Variants in BICC1 observed in about 807,000 individuals in gnomAD.
BICC1 encodes the protein protein bicaudal C homolog 1.
BICC1 carries 43 observed loss-of-function variants against 111.0 expected under a neutral mutation model. The observed-to-expected ratio is 0.39, with a 90% CI of 0.30 to 0.50. The LOEUF is 0.50. Among genes scored for constraint, BICC1 ranks in the 20% least tolerant of loss-of-function variants. The pLI is 0.88. For synonymous variants in BICC1, 467 were observed against 434.4 expected (o/e 1.07, Z -0.93); for missense variants, 1,091 against 1,203.2 (o/e 0.91, Z 1.38).
At chr10:58,719,664 T>C (rs1254338552) in intron 3 of BICC1, among the ~76,000 whole-genome samples, 1 of 152,212 alleles carries the variant, frequency 6.6e-6, no homozygotes, top group Non-Finnish European at 1.5e-5. Flanking sequence ...GACTTTGAGC[T>C]CATGGACCTA....
At chr10:58,678,062 A>G (rs1438434076) in intron 2 of BICC1, among the ~76,000 whole-genome samples, 1 of 152,218 alleles carries the variant, frequency 6.6e-6, no homozygotes, top group African/African-American at 2.4e-5. Flanking sequence ...TGGAAAGGAA[A>G]AAACGGGACC....
At chr10:58,552,357 A>G (rs1427411611) in intron 1 of BICC1, among the ~76,000 whole-genome samples, 1 of 151,864 alleles carries the variant, frequency 6.6e-6, no homozygotes, top group African/African-American at 2.4e-5. Context: ...TATTTTTGAG[A>G]TGGAGTCTTG....
At chr10:58,806,930 G>T in intron 16 of BICC1, 74 bp from the exon 17 acceptor site, 1 of 1,343,746 alleles carries the variant, frequency 7.4e-7, no homozygotes, top group South Asian at 1.5e-5. Context: ...TCAAAGAAAC[G>T]ACACTTATCA....
chr10:58,664,382 A>G (rs1338180764), intron 2 of BICC1, among the ~76,000 whole-genome samples: 1 of 152,182 alleles, frequency 6.6e-6, no homozygotes, highest in African/African-American at 2.4e-5. Flanking sequence ...AGATTTTGCT[A>G]ATTTTTTATT....
intron 2 of BICC1, among the ~76,000 whole-genome samples, chr10:58,628,537 A>G (rs1184595848): frequency 1.3e-5 from 2 of 152,092 alleles, no homozygotes; most frequent in African/African-American, 2.4e-5. Flanking sequence ...TCTTCAGACC[A>G]AAGATACTTA....
chr10:58,784,155 TATTA>T (rs1842949384), intron 3 of BICC1, among the ~76,000 whole-genome samples: 2 of 152,190 alleles, frequency 1.3e-5, no homozygotes, highest in South Asian at 4.1e-4. Context: ...TCTGATTAAT[TATTA>T]ATTAGATAAT....
At chr10:58,716,196 A>G in intron 3 of BICC1, 2 of 1,501,160 alleles carry the variant, frequency 1.3e-6, no homozygotes, top group Admixed American at 4.0e-5. Flanking sequence ...GTGAAGAACG[A>G]GAAAAAGCAA....
At chr10:58,704,297 A>G (rs1264915089) in intron 3 of BICC1, among the ~76,000 whole-genome samples, 1 of 152,200 alleles carries the variant, frequency 6.6e-6, no homozygotes, top group Non-Finnish European at 1.5e-5. Flanking sequence ...ATATAGTACT[A>G]TATGATGCGC....
intron 1 of BICC1, among the ~76,000 whole-genome samples, chr10:58,562,987 G>T (rs372907142): frequency 1.2e-4 from 18 of 151,490 alleles, no homozygotes; most frequent in African/African-American, 4.4e-4. Flanking sequence ...AGCGTATAGG[G>T]GCTCCCTTGG....
intron 3 of BICC1, among the ~76,000 whole-genome samples, chr10:58,761,017 A>C (rs1842299826): frequency 6.6e-6 from 1 of 151,852 alleles, no homozygotes; most frequent in South Asian, 2.1e-4. Context: ...TGCCTGGCAA[A>C]ATTTTTGTAT....
intron 2 of BICC1, among the ~76,000 whole-genome samples, chr10:58,700,936 A>C (rs554311009): frequency 6.6e-6 from 1 of 152,196 alleles, no homozygotes; most frequent in East Asian, 1.9e-4. Context: ...ACTTTAAAAA[A>C]CCTTACAATG....
intron 2 of BICC1, among the ~76,000 whole-genome samples, chr10:58,693,934 A>C (rs753488817): frequency 9.9e-5 from 15 of 152,128 alleles, no homozygotes; most frequent in South Asian, 2.1e-4. Context: ...GAAGTCCTTG[A>C]CCATGCCTAT....
At chr10:58,783,361 G>A (rs539842331) in intron 3 of BICC1, among the ~76,000 whole-genome samples, 5 of 152,174 alleles carry the variant, frequency 3.3e-5, no homozygotes, top group East Asian at 1.9e-4. Context: ...AAGAAAAATC[G>A]TTTCCTCCCT....
intron 3 of BICC1, among the ~76,000 whole-genome samples, chr10:58,751,898 T>A (rs1008358350): frequency 4.6e-5 from 7 of 152,162 alleles, no homozygotes; most frequent in African/African-American, 1.7e-4. Flanking sequence ...ACTGTACATA[T>A]AACATACCTA....
intron 2 of BICC1, among the ~76,000 whole-genome samples, chr10:58,626,180 T>C (rs1837618087): frequency 6.6e-6 from 1 of 152,202 alleles, no homozygotes; most frequent in Non-Finnish European, 1.5e-5. Context: ...CTGAGAAAGC[T>C]GTGCAGCATT....
intron 20 of BICC1, among the ~76,000 whole-genome samples, chr10:58,825,575 A>G (rs1844371012): frequency 6.6e-6 from 1 of 152,238 alleles, no homozygotes; most frequent in African/African-American, 2.4e-5. Flanking sequence ...GTAAACAGAC[A>G]AAGACATTTT....
At position 58,806,713 on chromosome 10, in the gene BICC1, A is replaced by G. The variant is rs7083601; in HGVS notation, c.2221+90A>G. 6,886 of 1,159,416 alleles carry G rather than the reference A, an allele frequency of 5.9e-3. 285 individuals are homozygous for G. In the African/African-American group the frequency reaches 0.09, roughly 15 times the overall value. The allele number at this position is 1,159,416 out of a possible 1,614,324, so 71.8% of individuals were successfully genotyped here. Reference sequence around the variant, plus strand: ...TACTCATGGTGAATCGAGAACTTGAAAACTCAGAAAAAGAAACCTAGAATA... The same window carrying G: ...TACTCATGGTGAATCGAGAACTTGAGAACTCAGAAAAAGAAACCTAGAATA... On this transcript the variant is annotated intron_variant, in intron 16 of 20. Coordinates refer to ENST00000373886, the MANE Select transcript of BICC1 (RefSeq NM_001080512.3).
chr10:58,610,029 A>C (rs1845366556), intron 1 of BICC1, among the ~76,000 whole-genome samples: 1 of 152,206 alleles, frequency 6.6e-6, no homozygotes, highest in South Asian at 2.1e-4. Context: ...CTGAAATTCC[A>C]TTGACATATG....
intron 2 of BICC1, 101 bp from the exon 3 acceptor site, chr10:58,701,973 G>T: frequency 2.5e-6 from 2 of 803,304 alleles, no homozygotes; most frequent in Non-Finnish European, 4.0e-6. Flanking sequence ...GTATGAACAT[G>T]AACTTAGGAA....
Sources: allele counts gnomAD v4.1 joint callset (sites outside exome capture counted in the v4.1 genomes callset), GRCh38; gene constraint gnomAD v4.1.1; transcripts MANE v1.5; gene names NCBI Gene and HGNC (gene_info 2026-07-23, HGNC 2026-07-21).